The following FERMT3 variants were observed in gnomAD, a reference collection of about 807,000 sequenced individuals.
The protein encoded by FERMT3 is fermitin family homolog 3.
In FERMT3, 33 loss-of-function variants were observed where a neutral mutation model predicts 80.8. The observed-to-expected ratio is 0.41, with a 90% confidence interval of 0.31 to 0.55. The LOEUF (loss-of-function observed/expected upper bound fraction) is 0.55. Among genes scored for constraint, FERMT3 ranks in the 20% least tolerant of loss-of-function variants. The probability of loss-of-function intolerance (pLI) is 0.31; values close to 1 mark genes in which losing one functional copy is unlikely to be tolerated. For synonymous variants in FERMT3, 375 were observed against 372.2 expected (o/e 1.01, Z -0.09); for missense variants, 754 against 908.7 (o/e 0.83, Z 2.19).
Position 64,211,282 on chromosome 11 carries a change from A to G in FERMT3, c.522A>G (p.Ala174=). The G allele has an allele frequency of 6.2e-7, 1 of 1,612,968 alleles. No individual in the cohort carries two copies. Among genetic ancestry groups the G allele is most frequent in the East Asian group, 2.2e-5 (1 of 44,838 alleles). ...LSKVVLAGGV[A]PALFRGMPAH... is the part of the protein sequence containing the mutation. ...TCCCAACCTGCACTCCAGGCGTGGC[A>G]CCTGCACTGTTCCGGGGGATGCCAG... Residue 174 remains alanine, a synonymous_variant, in exon 5 of 15, where the codon GCA becomes GCG. Coordinates refer to ENST00000345728, the MANE Select transcript of FERMT3 (RefSeq NM_031471.6). The surrounding 1 kb of genome is among the most constrained non-coding windows in gnomAD (Gnocchi z 4.7).
At position 64,219,309 on chromosome 11, in the gene FERMT3, A is replaced by G; in HGVS notation, c.845A>G (p.Glu282Gly). Residue 282 changes from glutamate (E) to glycine (G), a missense_variant, in exon 7 of 15, where the codon GAG becomes GGG. Glu to Gly is a moderately conservative substitution (Grantham distance 98). Coordinates refer to ENST00000345728, the MANE Select transcript of FERMT3 (RefSeq NM_031471.6). The surrounding 1 kb of genome is among the most constrained non-coding windows in gnomAD (Gnocchi z 4.0). Reference sequence around the variant, plus strand: ...CAGGCCCGGTGGGACCTGCTGCTGGAGGAGATTGACTGCACCGAGGAGGAG... The same window carrying G: ...CAGGCCCGGTGGGACCTGCTGCTGGGGGAGATTGACTGCACCGAGGAGGAG... ...YEQARWDLLL[E>G]EIDCTEEEMM... 6.2e-7 allele frequency: 1 copy of G among 1,609,612 alleles called. No individual in the cohort carries two copies. The highest frequency in any genetic ancestry group is 8.5e-7 in the Non-Finnish European group (1 of 1,178,176).
At position 64,211,042 on chromosome 11, in the gene FERMT3, C is replaced by G; in HGVS notation, c.395-10C>G. On this transcript the variant is annotated splice_polypyrimidine_tract_variant and intron_variant, in intron 3 of 14. Coordinates refer to ENST00000345728, the MANE Select transcript of FERMT3 (RefSeq NM_031471.6). This position sits in a 1 kb window ranked among gnomAD's most constrained non-coding sequence, Gnocchi z 4.7. ...GACCTAGTCCCCGCTGAGACCCTAG[C>G]TCCCCTCAGGCATCCGGCACCCCGA... The G allele has an allele frequency of 6.2e-7, 1 of 1,604,206 alleles. No individual in the cohort carries two copies. Among genetic ancestry groups the G allele is most frequent in the Non-Finnish European group, 8.5e-7 (1 of 1,175,612 alleles).
chr11:64,207,891 C>T (rs961400812), intron 2 of FERMT3: 11 of 195,056 alleles, frequency 5.6e-5, no homozygotes, highest in African/African-American at 1.6e-4. Context: ...CTCCCCTTGG[C>T]GGAAGCTTTG....
chr11:64,211,174 G>A lies in FERMT3; in HGVS notation c.514+3G>A. 2.7e-5 allele frequency: 40 copies of A among 1,484,014 alleles called. No individual in the cohort carries two copies. Among genetic ancestry groups the A allele is most frequent in the Non-Finnish European group, 3.6e-5 (39 of 1,087,962 alleles). 91.9% of individuals were successfully genotyped at this position (1,484,014 alleles called of 1,614,324 possible). ...GAGCAAGGTTGTCTTGGCTGGGGGT[G>A]AGTGCAAGTGGGGGTGGGCCTGGGG... On this transcript the variant is annotated splice_donor_region_variant and intron_variant, in intron 4 of 14. Transcript: ENST00000345728. The surrounding 1 kb of genome is among the most constrained non-coding windows in gnomAD (Gnocchi z 4.7).
At chr11:64,220,070 A>C in intron 10 of FERMT3, 55 bp downstream of exon 10, 2 of 1,603,350 alleles carry the variant, frequency 1.2e-6, no homozygotes, top group Non-Finnish European at 1.7e-6. Flanking sequence ...TGGGCTAGGC[A>C]GGTGAATGCT....
intron 2 of FERMT3, among the ~76,000 whole-genome samples, chr11:64,209,065 T>G (rs1946380790): frequency 6.6e-6 from 1 of 151,932 alleles, no homozygotes; most frequent in East Asian, 1.9e-4. Context: ...TTGGCATTGA[T>G]TACATGTGGT....
intron 6 of FERMT3, among the ~76,000 whole-genome samples, chr11:64,215,106 G>A (rs994021006): frequency 1.3e-5 from 2 of 152,266 alleles, no homozygotes; most frequent in South Asian, 4.1e-4. Flanking sequence ...CACCACGCCC[G>A]GCTCAGCTTA....
chr11:64,211,387 G>T lies in FERMT3; in HGVS notation c.627G>T (p.Leu209=). 1 of 1,607,626 alleles carries T rather than the reference G, an allele frequency of 6.2e-7. No homozygotes were observed. The part of the protein sequence containing the change: ...SRPQPPPDPL[L]LQRLPRPSSL... Reference sequence around the variant, plus strand: ...CCCAGCCGCCACCCGACCCCCTCCTGCTCCAGCGTCTGCCACGGCCCAGCT... The same window carrying T: ...CCCAGCCGCCACCCGACCCCCTCCTTCTCCAGCGTCTGCCACGGCCCAGCT... Residue 209 remains leucine, a synonymous_variant, in exon 5 of 15, where the codon CTG becomes CTT. Transcript: ENST00000345728. The surrounding 1 kb of genome is among the most constrained non-coding windows in gnomAD (Gnocchi z 4.7).
rs1256684474 is a variant in FERMT3, at chr11:64,211,509, G to A, written c.683+66G>A. 1.3e-6 allele frequency: 2 copies of A among 1,512,774 alleles called. No homozygotes were observed. The highest frequency in any genetic ancestry group is 1.2e-5 in the South Asian group (1 of 83,686). 93.7% of individuals were successfully genotyped at this position (1,512,774 alleles called of 1,614,324 possible). On this transcript the variant is annotated intron_variant, in intron 5 of 14. Transcript: ENST00000345728. This position sits in a 1 kb window ranked among gnomAD's most constrained non-coding sequence, Gnocchi z 4.7. ...ACCCAGGATCCACCCCCTGTCCCGT[G>A]TCTGTGCCCACCCCAGATCCACACT...
In FERMT3 at chr11:64,211,765, G is replaced by GA; in HGVS notation, c.786+21dup. ...ATCCCAAGGTGGGTCGGGGCAGGGA[G>GA]AAAGCGGGCCTCAGGTCCATGAGAT... On this transcript the variant is annotated intron_variant, in intron 6 of 14. Coordinates refer to ENST00000345728, the MANE Select transcript of FERMT3 (RefSeq NM_031471.6). The surrounding 1 kb of genome is among the most constrained non-coding windows in gnomAD (Gnocchi z 4.7). The GA allele has an allele frequency of 6.2e-7, 1 of 1,612,732 alleles. No homozygotes were observed. The highest frequency in any genetic ancestry group is 8.5e-7 in the Non-Finnish European group (1 of 1,178,770).
At chr11:64,207,634 C>A in intron 2 of FERMT3, 110 bp downstream of exon 2, 2 of 1,340,022 alleles carry the variant, frequency 1.5e-6, no homozygotes, top group African/African-American at 1.5e-5. Context: ...AATGGTGTCA[C>A]GGTGACTCAG....
chr11:64,217,555 A>G (rs2134872441), intron 6 of FERMT3, among the ~76,000 whole-genome samples: 1 of 152,242 alleles, frequency 6.6e-6, no homozygotes, highest in East Asian at 1.9e-4. Flanking sequence ...ATCTTAAAAA[A>G]AAAAAATTGT....
At chr11:64,207,856 A>C in intron 2 of FERMT3, 1 of 232,162 alleles carries the variant, frequency 4.3e-6, no homozygotes, top group Non-Finnish European at 8.5e-6. Flanking sequence ...GGTCTAGGTG[A>C]CCCAGGGGCC....
upstream of FERMT3, among the ~76,000 whole-genome samples, chr11:64,206,499 G>T (rs2134825027): frequency 6.6e-6 from 1 of 152,350 alleles, no homozygotes; most frequent in South Asian, 2.1e-4. Context: ...TGTTGAGTTT[G>T]CACTGAGCTT....
At chr11:64,214,604 C>T (rs1175416167) in intron 6 of FERMT3, among the ~76,000 whole-genome samples, 1 of 152,144 alleles carries the variant, frequency 6.6e-6, no homozygotes, top group Non-Finnish European at 1.5e-5. Context: ...GCCTCAACCT[C>T]CCAATATGCT....
chr11:64,220,879 C>T, intron 12 of FERMT3, 137 bp from the exon 13 acceptor site: 2 of 1,501,856 alleles, frequency 1.3e-6, no homozygotes, highest in South Asian at 1.2e-5. Flanking sequence ...CAGTGCAGAT[C>T]TGCACCTTGG....
chr11:64,219,731 C>T lies in FERMT3; in HGVS notation c.1030-9C>T. ...ACCGGGTGCCCCTCTGACTCTGGTC[C>T]TCCCATAGGACAGCCTCACCACCAT... is the stretch of plus-strand genomic sequence containing the variant. On this transcript the variant is annotated splice_polypyrimidine_tract_variant and intron_variant, in intron 8 of 14. Transcript: ENST00000345728. This position sits in a 1 kb window ranked among gnomAD's most constrained non-coding sequence, Gnocchi z 4.0. 6.2e-7 allele frequency: 1 copy of T among 1,613,962 alleles called. No individual in the cohort carries two copies. Among genetic ancestry groups the T allele is most frequent in the Non-Finnish European group, 8.5e-7 (1 of 1,179,984 alleles).
Position 64,210,507 on chromosome 11 carries a change from G to A in FERMT3, c.161-104G>A, listed in dbSNP as rs924701112. ...GCTGCCCCACTCTTGGCTTAGGCAG[G>A]GCAGGGGAGTGGTCGCCCCAGGCTT... On this transcript the variant is annotated intron_variant, in intron 2 of 14. Transcript: ENST00000345728. This position sits in a 1 kb window ranked among gnomAD's most constrained non-coding sequence, Gnocchi z 4.3. 3 of 1,197,606 alleles carry A rather than the reference G, an allele frequency of 2.5e-6. No homozygotes were observed. Among genetic ancestry groups the A allele is most frequent in the Non-Finnish European group, 3.7e-6 (3 of 817,828 alleles). The allele number at this position is 1,197,606 out of a possible 1,614,324, so 74.2% of individuals were successfully genotyped here. A position where few individuals can be genotyped will look rare whatever the true frequency, so the allele number is the denominator to read the frequency against.
In FERMT3 at chr11:64,223,505, T is replaced by C. The variant is rs766001954; in HGVS notation, c.*13T>C. 6.3e-7 allele frequency: 1 copy of C among 1,580,326 alleles called. No individual in the cohort carries two copies. Among genetic ancestry groups the C allele is most frequent in the South Asian group, 1.1e-5 (1 of 89,662 alleles). ...TGAGGCCTTCTGAGGGCTGTCTGATTGCCCCTGCCCTGCTCACCACCCTGT... is the reference window on the plus strand; with the variant it reads ...TGAGGCCTTCTGAGGGCTGTCTGATCGCCCCTGCCCTGCTCACCACCCTGT... On this transcript the variant is annotated 3_prime_UTR_variant, in exon 15 of 15. Transcript: ENST00000345728.
Sources: allele counts gnomAD v4.1 joint callset (sites outside exome capture counted in the v4.1 genomes callset), GRCh38; gene constraint gnomAD v4.1.1; non-coding constraint Gnocchi (gnomAD v3.1); transcripts MANE v1.5; gene names NCBI Gene and HGNC (gene_info 2026-07-23, HGNC 2026-07-21).